PTPRD: variants seen among roughly 807,000 people sequenced by gnomAD.
PTPRD encodes protein tyrosine phosphatase receptor type D, also known as receptor-type tyrosine-protein phosphatase delta.
In PTPRD, 34 loss-of-function variants were observed where a neutral mutation model predicts 214.5. The observed-to-expected ratio is 0.16, with a 90% CI of 0.12 to 0.21. The LOEUF (loss-of-function observed/expected upper bound fraction) is 0.21, where lower values mean the gene tolerates loss of function less well. Ranked by LOEUF, PTPRD falls within the 10% of genes least tolerant of loss-of-function variation. The probability of loss-of-function intolerance (pLI) is 1.00; values close to 1 mark genes in which losing one functional copy is unlikely to be tolerated. For synonymous variants in PTPRD, 1,128 were observed against 845.7 expected (o/e 1.33, Z -5.79); for missense variants, 2,545 against 2,398.7 (o/e 1.06, Z -1.27).
At chr9:10,352,873 CT>C (rs1489533614) in intron 2 of PTPRD, among the ~76,000 whole-genome samples, 1 of 151,908 alleles carries the variant, frequency 6.6e-6, no homozygotes, top group East Asian at 1.9e-4. Context: ...CTCTCTGCCC[CT>C]CTTTAAGCAT....
chr9:9,164,850 T>TAAAACAAAACAAAACAAAAC (rs80164907), intron 10 of PTPRD, among the ~76,000 whole-genome samples: 371 of 147,014 alleles, frequency 2.5e-3, no homozygotes, highest in Middle Eastern at 0.01. Flanking sequence ...CTGTCTCTAC[T>TAAAACAAAACAAAACAAAAC]AAAACAAAAC....
At chr9:9,866,376 C>G (rs1373048227) in intron 5 of PTPRD, among the ~76,000 whole-genome samples, 1 of 152,074 alleles carries the variant, frequency 6.6e-6, no homozygotes, top group Admixed American at 6.5e-5. Context: ...AAGTAAGCAG[C>G]CACAAATTCC....
At chr9:9,771,294 G>C (rs1237997294) in intron 5 of PTPRD, among the ~76,000 whole-genome samples, 1 of 152,022 alleles carries the variant, frequency 6.6e-6, no homozygotes, top group African/African-American at 2.4e-5. Flanking sequence ...GTATCTGATA[G>C]TTAACACATT....
At chr9:9,263,129 T>A (rs1439957333) in intron 9 of PTPRD, among the ~76,000 whole-genome samples, 1 of 151,724 alleles carries the variant, frequency 6.6e-6, no homozygotes, top group Admixed American at 6.6e-5. Context: ...TTCTGGGGGC[T>A]CTGTTACATT....
At chr9:9,623,664 C>G (rs922043318) in intron 7 of PTPRD, among the ~76,000 whole-genome samples, 1 of 152,170 alleles carries the variant, frequency 6.6e-6, no homozygotes, top group Non-Finnish European at 1.5e-5. Context: ...GTACAATGGC[C>G]AGCCTGCTGC....
intron 12 of PTPRD, among the ~76,000 whole-genome samples, chr9:8,689,448 C>T (rs1371647061): frequency 6.6e-6 from 1 of 151,754 alleles, no homozygotes; most frequent in African/African-American, 2.4e-5. Flanking sequence ...CTTATAATTC[C>T]ACATGGCTGG....
At chr9:8,590,914 G>T (rs2094048282) in intron 14 of PTPRD, among the ~76,000 whole-genome samples, 1 of 152,040 alleles carries the variant, frequency 6.6e-6, no homozygotes, top group Admixed American at 6.6e-5. Flanking sequence ...AGTTTCACTG[G>T]GTTAGACTGA....
intron 3 of PTPRD, among the ~76,000 whole-genome samples, chr9:10,176,937 C>T (rs1465377964): frequency 6.6e-6 from 1 of 151,902 alleles, no homozygotes; most frequent in Admixed American, 6.6e-5. Context: ...GCAAGCACAG[C>T]ATATTTATTG....
At chr9:10,263,955 G>A (rs1236987326) in intron 3 of PTPRD, among the ~76,000 whole-genome samples, 2 of 152,130 alleles carry the variant, frequency 1.3e-5, no homozygotes, top group East Asian at 1.9e-4. Context: ...GCGAAAATGG[G>A]CCAAGGTACA....
chr9:10,429,593 G>T (rs606673), intron 2 of PTPRD, among the ~76,000 whole-genome samples: 1 of 151,632 alleles, frequency 6.6e-6, no homozygotes, highest in African/African-American at 2.4e-5. Flanking sequence ...AAAAAATATC[G>T]CATGTTCTCA....
chr9:9,927,503 G>A (rs1291940265), intron 5 of PTPRD, among the ~76,000 whole-genome samples: 1 of 151,988 alleles, frequency 6.6e-6, no homozygotes, highest in African/African-American at 2.4e-5. Flanking sequence ...CTTCTCAGTT[G>A]CTTTAACAAA....
At chr9:10,457,963 T>A (rs1050513913) in intron 2 of PTPRD, among the ~76,000 whole-genome samples, 2 of 151,916 alleles carry the variant, frequency 1.3e-5, no homozygotes, top group African/African-American at 2.4e-5. Context: ...TAGAGAAAAT[T>A]GATACATTAC....
chr9:9,981,532 T>TC (rs2095543844), intron 4 of PTPRD, among the ~76,000 whole-genome samples: 1 of 59,428 alleles, frequency 1.7e-5, no homozygotes, highest in African/African-American at 5.1e-5. Context: ...TTTTTTTTTG[T>TC]ATTTTTTTTA....
At chr9:10,317,224 G>A (rs2096458271) in intron 3 of PTPRD, among the ~76,000 whole-genome samples, 1 of 151,888 alleles carries the variant, frequency 6.6e-6, no homozygotes, top group Non-Finnish European at 1.5e-5. Flanking sequence ...GGGGGCTAGT[G>A]TTTTTTGCCT....
intron 9 of PTPRD, among the ~76,000 whole-genome samples, chr9:9,236,298 G>A (rs149423431): frequency 6.6e-6 from 1 of 152,046 alleles, no homozygotes; most frequent in Non-Finnish European, 1.5e-5. Context: ...AATTATTTGA[G>A]AGAGCTCTCA....
At chr9:8,589,011 C>T (rs1336581725) in intron 14 of PTPRD, among the ~76,000 whole-genome samples, 1 of 151,518 alleles carries the variant, frequency 6.6e-6, no homozygotes, top group Non-Finnish European at 1.5e-5. Flanking sequence ...ATGTGAAATC[C>T]CTATAGATTC....
At chr9:9,690,030 T>C (rs751447083) in intron 7 of PTPRD, among the ~76,000 whole-genome samples, 20 of 151,882 alleles carry the variant, frequency 1.3e-4, no homozygotes, top group Admixed American at 2.6e-4. Context: ...CTGGGTTATA[T>C]AGCAGTTCTA....
At chr9:9,566,094 C>T (rs2084438512) in intron 8 of PTPRD, among the ~76,000 whole-genome samples, 1 of 151,654 alleles carries the variant, frequency 6.6e-6, no homozygotes, top group Non-Finnish European at 1.5e-5. Context: ...CACATTTTTT[C>T]TTCTCCAGCA....
chr9:9,842,251 G>C (rs972537974), intron 5 of PTPRD, among the ~76,000 whole-genome samples: 6 of 148,866 alleles, frequency 4.0e-5, no homozygotes, highest in Admixed American at 2.7e-4. Context: ...AATTATGAAG[G>C]GCAATGATTC....
Sources: gnomAD v4.1 joint callset for allele counts (sites outside exome capture counted in the v4.1 genomes callset) on GRCh38, gnomAD v4.1.1 for gene constraint, MANE v1.5 for transcripts, NCBI Gene and HGNC (gene_info 2026-07-23, HGNC 2026-07-21) for gene names.